Variants in DGKD observed in about 807,000 individuals in gnomAD.
DGKD encodes DAG kinase delta.
DGKD carries 68 observed loss-of-function variants against 154.4 expected under a neutral mutation model. The observed-to-expected ratio is 0.44, with a 90% CI of 0.36 to 0.54. The LOEUF (loss-of-function observed/expected upper bound fraction) is 0.54. Ranked by LOEUF, DGKD falls within the 20% of genes least tolerant of loss-of-function variation. The pLI is 0.00. For synonymous variants in DGKD, 693 were observed against 638.0 expected (o/e 1.09, Z -1.30); for missense variants, 1,343 against 1,593.6 (o/e 0.84, Z 2.68).
At chr2:233,367,230 T>C (rs1574982115) in intron 1 of DGKD, among the ~76,000 whole-genome samples, 1 of 21,010 alleles carries the variant, frequency 4.8e-5, no homozygotes. Context: ...TATTAATGAC[T>C]TTTTTTTTTT....
At chr2:233,370,570 C>CTTT (rs56301429) in intron 1 of DGKD, among the ~76,000 whole-genome samples, 1,421 of 123,168 alleles carry the variant, frequency 0.012, 23 homozygotes, top group African/African-American at 0.038. Flanking sequence ...AGAACTTCTT[C>CTTT]TTTTTTTTTT....
chr2:233,435,984 C>T, intron 6 of DGKD, 60 bp downstream of exon 6: 1 of 1,484,954 alleles, frequency 6.7e-7, no homozygotes. Context: ...TGCACGGCCC[C>T]ATGCAAGCCT....
intron 1 of DGKD, among the ~76,000 whole-genome samples, chr2:233,365,982 A>AT (rs1182297801): frequency 1.3e-5 from 2 of 152,182 alleles, no homozygotes; most frequent in South Asian, 2.1e-4. Flanking sequence ...GAAATAGAGT[A>AT]TTTTTTTAAA....
At chr2:233,396,740 T>G (rs1422772980) in intron 3 of DGKD, among the ~76,000 whole-genome samples, 1 of 151,960 alleles carries the variant, frequency 6.6e-6, no homozygotes, top group East Asian at 1.9e-4. Flanking sequence ...TGTGTGTCTG[T>G]GTGTTTCTTT....
At position 233,354,900 on chromosome 2, in the gene DGKD, G is replaced by T. The variant is rs930153108; in HGVS notation, c.156+226G>T. 1.4e-5 allele frequency among the ~76,000 whole-genome samples: 2 copies of T among 145,200 alleles called. No individual in the cohort carries two copies. Among genetic ancestry groups the T allele is most frequent in the Non-Finnish European group, 3.1e-5 (2 of 65,572 alleles). ...CGGCGGGCGGCTGTGGGGCCGGGCGGGGGGCGCGCAGGTGGGCGCCCCGGG... is the reference window on the plus strand; with the variant it reads ...CGGCGGGCGGCTGTGGGGCCGGGCGTGGGGCGCGCAGGTGGGCGCCCCGGG... On this transcript the variant is annotated intron_variant, in intron 1 of 29. Transcript: ENST00000264057. This position sits in a 1 kb window ranked among gnomAD's most constrained non-coding sequence, Gnocchi z 4.8.
At chr2:233,435,229 C>T (rs1575113640) in intron 5 of DGKD, among the ~76,000 whole-genome samples, 1 of 152,276 alleles carries the variant, frequency 6.6e-6, no homozygotes, top group East Asian at 1.9e-4. Context: ...GGAAACGGGG[C>T]TGTGCATATA....
chr2:233,369,632 C>T (rs191064440), intron 1 of DGKD, among the ~76,000 whole-genome samples: 136 of 152,272 alleles, frequency 8.9e-4, no homozygotes, highest in Non-Finnish European at 1.5e-3. Flanking sequence ...CCTTGAATGG[C>T]GTTTGCCAGG....
At chr2:233,450,522 A>C (rs961685409) in intron 16 of DGKD, among the ~76,000 whole-genome samples, 3 of 152,036 alleles carry the variant, frequency 2.0e-5, no homozygotes, top group African/African-American at 7.2e-5. Flanking sequence ...CCCCTCCTGG[A>C]ACAGCCCACA....
intron 1 of DGKD, among the ~76,000 whole-genome samples, chr2:233,371,455 A>G (rs1702318523): frequency 6.6e-6 from 1 of 152,200 alleles, no homozygotes; most frequent in Non-Finnish European, 1.5e-5. Context: ...TTTATCAGAT[A>G]CATGATTTGC....
At chr2:233,371,550 G>T (rs1281344390) in intron 1 of DGKD, among the ~76,000 whole-genome samples, 1 of 152,164 alleles carries the variant, frequency 6.6e-6, no homozygotes, top group African/African-American at 2.4e-5. Flanking sequence ...TTTTGATGAA[G>T]TCCAATTTTT....
chr2:233,393,085 C>T (rs766761577), intron 3 of DGKD, among the ~76,000 whole-genome samples: 4 of 152,030 alleles, frequency 2.6e-5, no homozygotes, highest in Non-Finnish European at 4.4e-5. Context: ...AGTGCAATGA[C>T]GTGATCTTGG....
At chr2:233,464,417 C>T (rs1285629419) in intron 27 of DGKD, 134 bp downstream of exon 27, 1 of 1,087,474 alleles carries the variant, frequency 9.2e-7, no homozygotes, top group Non-Finnish European at 1.3e-6. Flanking sequence ...GGGGCCTTCT[C>T]CAGACTTCGC....
intron 1 of DGKD, among the ~76,000 whole-genome samples, chr2:233,360,840 G>A (rs532373215): frequency 6.6e-6 from 1 of 152,170 alleles, no homozygotes; most frequent in African/African-American, 2.4e-5. Context: ...ATTAGAGTTC[G>A]TTGATGCAAA....
intron 1 of DGKD, among the ~76,000 whole-genome samples, chr2:233,372,814 T>C (rs138847165): frequency 1.5e-3 from 229 of 152,348 alleles, no homozygotes; most frequent in African/African-American, 5.3e-3. Context: ...AGTGAGTGTC[T>C]GAATAACTCC....
intron 3 of DGKD, among the ~76,000 whole-genome samples, chr2:233,416,062 C>G (rs140563343): frequency 6.6e-6 from 1 of 152,294 alleles, no homozygotes; most frequent in Non-Finnish European, 1.5e-5. Flanking sequence ...CTGCTTGTGT[C>G]CTGCCTTTTT....
At chr2:233,455,562 A>G (rs1451679799) in intron 19 of DGKD, among the ~76,000 whole-genome samples, 1 of 152,234 alleles carries the variant, frequency 6.6e-6, no homozygotes, top group East Asian at 1.9e-4. Flanking sequence ...TTCAGCTTTG[A>G]CATGATTAGA....
intron 1 of DGKD, among the ~76,000 whole-genome samples, chr2:233,381,442 T>C (rs1702900209): frequency 6.6e-6 from 1 of 152,248 alleles, no homozygotes; most frequent in Non-Finnish European, 1.5e-5. Flanking sequence ...TTGTCTGGGC[T>C]CTGGTGTGTC....
Position 233,456,903 on chromosome 2 carries a change from C to T in DGKD, c.2380C>T (p.Arg794Ter). The T allele has an allele frequency of 6.2e-7, 1 of 1,613,632 alleles. No individual in the cohort carries two copies. Among genetic ancestry groups the T allele is most frequent in the Non-Finnish European group, 8.5e-7 (1 of 1,179,596 alleles). ...AGTCTTTGCTTCTGTTTCTAGGAGC[C>T]GAACCAAGAACATGATGTGGTATGG... ...RDEHPEKCRSRTKNMMWYGVL... is the reference protein window; with the variant it reads ...RDEHPEKCRS Residue 794 changes from arginine (R) to a stop codon, truncating the protein, a stop_gained, in exon 20 of 30, where the codon CGA (arginine) becomes TGA (stop). Transcript: ENST00000264057. LOFTEE classifies it high-confidence loss of function.
chr2:233,436,143 G>A (rs2062687029), intron 6 of DGKD, among the ~76,000 whole-genome samples, 173 bp from the exon 7 acceptor site: 1 of 152,230 alleles, frequency 6.6e-6, no homozygotes, highest in Admixed American at 6.5e-5. Context: ...TCCGACAGGT[G>A]CTATGGGTAG....
Sources: allele counts gnomAD v4.1 joint callset (sites outside exome capture counted in the v4.1 genomes callset), GRCh38; gene constraint gnomAD v4.1.1; non-coding constraint Gnocchi (gnomAD v3.1); transcripts MANE v1.5; gene names NCBI Gene and HGNC (gene_info 2026-07-23, HGNC 2026-07-21).